Variants in KLF8 observed in about 807,000 individuals in gnomAD.
The protein encoded by KLF8 is KLF transcription factor 8.
KLF8 carries 10 observed loss-of-function variants against 18.2 expected under a neutral mutation model. That is an observed-to-expected ratio of 0.55 (90% CI 0.34 to 0.93). The LOEUF is 0.93. Ranked by LOEUF, KLF8 falls within the 40% of genes least tolerant of loss-of-function variation. KLF8 has a pLI of 0.02. For missense variants in KLF8, 264 were observed against 277.9 expected, an observed-to-expected ratio of 0.95 and a Z score of 0.36; for synonymous variants, 109 against 97.3, an observed-to-expected ratio of 1.12 and a Z score of -0.71.
At chrX:55,951,969 A>C in the KLF8 span, among the ~76,000 whole-genome samples, 3 of 111,944 alleles carry the variant, frequency 2.7e-5, no homozygotes, top group Non-Finnish European at 5.6e-5. Flanking sequence ...AGGGAGCCTC[A>C]AGTGGTTATT....
At chrX:55,929,582 A>G in the KLF8 span, among the ~76,000 whole-genome samples, 1 of 112,279 alleles carries the variant, frequency 8.9e-6, no homozygotes, top group Non-Finnish European at 1.9e-5. Context: ...AGTTTTCTGA[A>G]TATGGCTATC....
the KLF8 span, among the ~76,000 whole-genome samples, chrX:56,187,808 T>A: frequency 8.9e-6 from 1 of 111,890 alleles, no homozygotes; most frequent in African/African-American, 3.3e-5. Context: ...AAATGGCCTT[T>A]GACAAAATTC....
At chrX:56,232,277 C>G (rs1003241483), upstream of KLF8, 3 of 111,623 alleles carry the variant, frequency 2.7e-5, no homozygotes, top group Admixed American at 2.8e-4. Context: ...GCGAGGCCAG[C>G]TCTGTCGGCC....
chrX:56,111,549 A>G, the KLF8 span, among the ~76,000 whole-genome samples: 1 of 112,363 alleles, frequency 8.9e-6, no homozygotes, highest in Non-Finnish European at 1.9e-5. Flanking sequence ...AGCAACTTAC[A>G]GAATGGGAGA....
chrX:56,017,470 T>C, the KLF8 span, among the ~76,000 whole-genome samples: 1 of 112,077 alleles, frequency 8.9e-6, no homozygotes, highest in Non-Finnish European at 1.9e-5. Flanking sequence ...GAGAAAATAG[T>C]AGAACGGGGA....
the KLF8 span, among the ~76,000 whole-genome samples, chrX:56,109,852 G>A: frequency 1.8e-5 from 2 of 109,874 alleles, no homozygotes; most frequent in African/African-American, 3.3e-5. Flanking sequence ...AGATAAACAC[G>A]TGCCATCGTG....
the KLF8 span, among the ~76,000 whole-genome samples, chrX:56,178,560 T>A: frequency 9.9e-4 from 111 of 112,584 alleles, no homozygotes; most frequent in African/African-American, 3.4e-3. Flanking sequence ...TCCTTGCCCA[T>A]GCCTATGCCC....
At chrX:56,157,479 T>C in the KLF8 span, among the ~76,000 whole-genome samples, 1 of 111,340 alleles carries the variant, frequency 9.0e-6, no homozygotes, top group Non-Finnish European at 1.9e-5. Flanking sequence ...ACTTCCATAA[T>C]GGTTTAACTA....
the KLF8 span, among the ~76,000 whole-genome samples, chrX:56,081,555 C>G: frequency 9.0e-6 from 1 of 111,671 alleles, no homozygotes; most frequent in Non-Finnish European, 1.9e-5. Flanking sequence ...CTATTTTGTT[C>G]CTGATTTTAT....
chrX:56,230,735 A>G (rs985843713), upstream of KLF8, among the ~76,000 whole-genome samples: 6 of 111,527 alleles, frequency 5.4e-5, no homozygotes, highest in African/African-American at 2.0e-4. Flanking sequence ...AATGCTCAAT[A>G]ACTATTATTA....
At chrX:56,275,095 TACAA>T (rs775313631) in intron 5 of KLF8, among the ~76,000 whole-genome samples, 2 of 111,969 alleles carry the variant, frequency 1.8e-5, no homozygotes, top group Admixed American at 1.9e-4. Flanking sequence ...CTTTGAGTAG[TACAA>T]ACATTTTAAC....
At chrX:56,022,551 C>CAAA in the KLF8 span, among the ~76,000 whole-genome samples, 3 of 27,289 alleles carry the variant, frequency 1.1e-4, no homozygotes, top group African/African-American at 2.0e-4. Context: ...TCTGTCTGAC[C>CAAA]AAAAAAAAAA....
the KLF8 span, among the ~76,000 whole-genome samples, chrX:56,137,284 T>C: frequency 9.2e-6 from 1 of 109,144 alleles, no homozygotes; most frequent in African/African-American, 3.4e-5. Context: ...TAAATCATGC[T>C]GCTATAAAGA....
At chrX:56,133,238 C>G in the KLF8 span, among the ~76,000 whole-genome samples, 1 of 111,646 alleles carries the variant, frequency 9.0e-6, no homozygotes, top group African/African-American at 3.3e-5. Context: ...ACTGATATCT[C>G]TGATGAACAT....
chrX:56,106,021 T>C, the KLF8 span, among the ~76,000 whole-genome samples: 1 of 111,911 alleles, frequency 8.9e-6, no homozygotes, highest in Non-Finnish European at 1.9e-5. Flanking sequence ...AAAATTCTTT[T>C]CTTTAAGAAT....
chrX:56,176,668 AGTTCTCCT>A, the KLF8 span, among the ~76,000 whole-genome samples: 1 of 111,193 alleles, frequency 9.0e-6, no homozygotes, highest in South Asian at 3.8e-4. Context: ...AGATTGGGGA[AGTTCTCCT>A]GGATAATATC....
At chrX:56,147,671 T>C in the KLF8 span, among the ~76,000 whole-genome samples, 1 of 111,647 alleles carries the variant, frequency 9.0e-6, no homozygotes, top group Non-Finnish European at 1.9e-5. Flanking sequence ...TTTGGTGTGA[T>C]GAAAACTTTT....
At chrX:55,972,310 G>A in the KLF8 span, among the ~76,000 whole-genome samples, 1 of 111,139 alleles carries the variant, frequency 9.0e-6, no homozygotes, top group East Asian at 2.8e-4. Flanking sequence ...CATGTTCTCA[G>A]TTATTTGTGG....
At chrX:56,044,975 C>T in the KLF8 span, among the ~76,000 whole-genome samples, 110 of 112,322 alleles carry the variant, frequency 9.8e-4, no homozygotes, top group African/African-American at 3.5e-3. Flanking sequence ...AACTCTTTGC[C>T]TAAGCCAATG....
Sources: gnomAD v4.1 joint callset for allele counts (sites outside exome capture counted in the v4.1 genomes callset) on GRCh38, gnomAD v4.1.1 for gene constraint, MANE v1.5 for transcripts, NCBI Gene and HGNC (gene_info 2026-07-23, HGNC 2026-07-21) for gene names.